BTRC: variants seen among roughly 807,000 people sequenced by gnomAD.
The protein encoded by BTRC is F-box/WD repeat-containing protein 1A.
In BTRC, 42 loss-of-function variants were observed where a neutral mutation model predicts 85.5. The observed-to-expected ratio is 0.49, with a 90% CI of 0.38 to 0.64. The LOEUF is 0.64. BTRC is among the 30% of genes least tolerant of loss of function. The pLI is 0.00. For synonymous variants in BTRC, 255 were observed against 263.3 expected (o/e 0.97, Z 0.30); for missense variants, 594 against 743.5 (o/e 0.80, Z 2.34).
rs778399338 is a variant in BTRC, at chr10:101,535,505, C to T, written c.1466+33C>T. 7.3e-6 allele frequency: 10 copies of T among 1,368,000 alleles called. No homozygotes were observed. The Admixed American group carries it at 1.8e-4, about 25-fold the overall frequency. The allele number at this position is 1,368,000 out of a possible 1,614,324, so 84.7% of individuals were successfully genotyped here. A position where few individuals can be genotyped will look rare whatever the true frequency, so the allele number is the denominator to read the frequency against. ...GCAAGTGCCTTGTATCATAAGGGATCAATATTATGCTCCCATTCATTATTA... is the reference window on the plus strand; with the variant it reads ...GCAAGTGCCTTGTATCATAAGGGATTAATATTATGCTCCCATTCATTATTA... On this transcript the variant is annotated intron_variant, in intron 11 of 14. Coordinates refer to ENST00000370187, the MANE Select transcript of BTRC (RefSeq NM_033637.4).
At chr10:101,363,461 G>GTTTTT (rs71472568) in intron 1 of BTRC, among the ~76,000 whole-genome samples, 2 of 132,430 alleles carry the variant, frequency 1.5e-5, no homozygotes, top group South Asian at 4.5e-4. Flanking sequence ...TTTTGTTTTT[G>GTTTTT]TTTTTTCTTT....
At chr10:101,388,760 G>A (rs552345403) in intron 1 of BTRC, among the ~76,000 whole-genome samples, 1 of 152,278 alleles carries the variant, frequency 6.6e-6, no homozygotes, top group East Asian at 1.9e-4. Context: ...CAAAGTGCTG[G>A]GATTACAGGC....
chr10:101,451,839 C>G (rs957199146), intron 2 of BTRC, among the ~76,000 whole-genome samples: 1 of 152,066 alleles, frequency 6.6e-6, no homozygotes, highest in Non-Finnish European at 1.5e-5. Flanking sequence ...AAGAGCCTGC[C>G]GCTCAGGGGC....
At chr10:101,399,321 CTTT>C (rs10610835) in intron 1 of BTRC, among the ~76,000 whole-genome samples, 46,142 of 127,958 alleles carry the variant, frequency 0.36, 8,783 homozygotes, top group South Asian at 0.44. Context: ...CTAGAATCAC[CTTT>C]TTTTTTTTTT....
intron 4 of BTRC, among the ~76,000 whole-genome samples, chr10:101,499,598 T>C (rs907859138): frequency 1.3e-5 from 2 of 151,918 alleles, no homozygotes; most frequent in Non-Finnish European, 1.5e-5. Flanking sequence ...GGGTCCTTCA[T>C]ATTATATTTA....
chr10:101,469,708 T>A (rs1465618683), intron 3 of BTRC, among the ~76,000 whole-genome samples: 2 of 152,210 alleles, frequency 1.3e-5, no homozygotes, highest in South Asian at 2.1e-4. Context: ...CCACCCTAAT[T>A]AAACTATAGA....
Position 101,372,207 on chromosome 10 carries a change from C to T in BTRC, c.48+17979C>T, listed in dbSNP as rs868850528. On this transcript the variant is annotated intron_variant, in intron 1 of 14. Transcript: ENST00000370187. ...GTATATGCCCCTCAGCTTCCCCTTC[C>T]CCCAAGATTGCATTGGCTATCTTGG... is the stretch of plus-strand genomic sequence containing the variant. Among the ~76,000 whole-genome samples, 4 of 151,830 alleles carry T rather than the reference C, an allele frequency of 2.6e-5. No homozygotes were observed. In the South Asian group the frequency reaches 8.3e-4, roughly 32 times the overall value.
At chr10:101,501,972 C>A (rs554194943) in intron 4 of BTRC, among the ~76,000 whole-genome samples, 1 of 152,122 alleles carries the variant, frequency 6.6e-6, no homozygotes, top group Non-Finnish European at 1.5e-5. Context: ...AATTCTATGT[C>A]TTTTCTCAGA....
intron 1 of BTRC, among the ~76,000 whole-genome samples, chr10:101,398,182 A>C (rs2133994702): frequency 6.6e-6 from 1 of 152,336 alleles, no homozygotes; most frequent in East Asian, 1.9e-4. Context: ...GTGGTTTAAG[A>C]GCAGTTTATA....
At chr10:101,452,706 T>C (rs750350323) in intron 2 of BTRC, among the ~76,000 whole-genome samples, 6 of 152,134 alleles carry the variant, frequency 3.9e-5, no homozygotes, top group Non-Finnish European at 7.4e-5. Flanking sequence ...GTGCTTGGAA[T>C]TGGTATATTA....
chr10:101,385,841 A>C (rs1346176622), intron 1 of BTRC, among the ~76,000 whole-genome samples: 1 of 145,326 alleles, frequency 6.9e-6, no homozygotes, highest in Non-Finnish European at 1.5e-5. Context: ...TTTTTTTTTG[A>C]TTCTTGCATA....
chr10:101,402,413 A>C (rs971812684), intron 1 of BTRC, among the ~76,000 whole-genome samples: 4 of 152,194 alleles, frequency 2.6e-5, no homozygotes, highest in Non-Finnish European at 5.9e-5. Context: ...GTATTTGACT[A>C]ATTGCCTACT....
At chr10:101,440,345 A>G (rs1944648207) in intron 2 of BTRC, among the ~76,000 whole-genome samples, 1 of 146,222 alleles carries the variant, frequency 6.8e-6, no homozygotes. Flanking sequence ...CTTTTGGGGC[A>G]TTGAATTTAC....
At chr10:101,398,360 T>C (rs893857391) in intron 1 of BTRC, among the ~76,000 whole-genome samples, 16 of 152,266 alleles carry the variant, frequency 1.1e-4, no homozygotes, top group African/African-American at 3.9e-4. Context: ...TGGAGTACAG[T>C]GGCGCGATCT....
chr10:101,514,565 G>GTC (rs985431618), intron 4 of BTRC, among the ~76,000 whole-genome samples: 5 of 151,784 alleles, frequency 3.3e-5, no homozygotes, highest in African/African-American at 1.2e-4. Context: ...TGATTCTTGT[G>GTC]TCTCAGCTGC....
In BTRC at chr10:101,460,228, T is replaced by TA. The variant is rs34116873; in HGVS notation, c.157-1742dup. 3.6e-3 allele frequency among the ~76,000 whole-genome samples: 538 copies of TA among 148,030 alleles called. 4 individuals carry two copies. The highest frequency in any genetic ancestry group is 0.012 in the African/African-American group (488 of 40,560). On this transcript the variant is annotated intron_variant, in intron 2 of 14. Coordinates refer to ENST00000370187, the MANE Select transcript of BTRC (RefSeq NM_033637.4). The stretch of plus-strand genomic sequence containing the variant: ...TATTTAAAACATTGATCTTTACATT[T>TA]AAAAAAAAAAAGTTAAACATACAAC...
chr10:101,418,973 C>T (rs947762850), intron 1 of BTRC, among the ~76,000 whole-genome samples: 1 of 151,804 alleles, frequency 6.6e-6, no homozygotes, highest in Non-Finnish European at 1.5e-5. Context: ...TGTAACCTAG[C>T]ATACATGTAA....
intron 1 of BTRC, among the ~76,000 whole-genome samples, chr10:101,383,252 T>C (rs903696716): frequency 9.2e-5 from 14 of 151,818 alleles, no homozygotes; most frequent in Admixed American, 8.5e-4. Flanking sequence ...TTCACAGAGA[T>C]AGGGTTTTGC....
At chr10:101,385,829 G>GT (rs11422355) in intron 1 of BTRC, among the ~76,000 whole-genome samples, 52,730 of 145,450 alleles carry the variant, frequency 0.36, 10,441 homozygotes, top group Middle Eastern at 0.48. Context: ...GATCTAGCTT[G>GT]TTTTTTTTTT....
Sources: gnomAD v4.1 joint callset for allele counts (sites outside exome capture counted in the v4.1 genomes callset) on GRCh38, gnomAD v4.1.1 for gene constraint, MANE v1.5 for transcripts, NCBI Gene and HGNC (gene_info 2026-07-23, HGNC 2026-07-21) for gene names.